Variants in OR1J2 observed in about 807,000 individuals in gnomAD.
The protein encoded by OR1J2 is olfactory receptor family 1 subfamily J member 2, also known as olfactory receptor 1J2.
For missense variants in OR1J2, 304 were observed against 246.1 expected, an observed-to-expected ratio of 1.24 and a Z score of -1.57; for synonymous variants, 142 against 99.7, an observed-to-expected ratio of 1.42 and a Z score of -2.52.
the OR1J2 span, chr9:122,477,816 G>T: frequency 9.9e-6 from 16 of 1,613,818 alleles, no homozygotes; most frequent in African/African-American, 2.7e-5. Context: ...CCAGCACCGT[G>T]GTCAGGTACA....
At chr9:122,505,363 T>G in the OR1J2 span, among the ~76,000 whole-genome samples, 1 of 152,158 alleles carries the variant, frequency 6.6e-6, no homozygotes, top group African/African-American at 2.4e-5. Flanking sequence ...AGGTTTCTCT[T>G]TCTCTTCTTA....
the OR1J2 span, among the ~76,000 whole-genome samples, chr9:122,570,549 A>G: frequency 6.6e-6 from 1 of 152,234 alleles, no homozygotes; most frequent in Non-Finnish European, 1.5e-5. Context: ...CCACATTGTC[A>G]TGAGGATTTA....
the OR1J2 span, among the ~76,000 whole-genome samples, chr9:122,529,561 G>A: frequency 4.6e-5 from 7 of 152,244 alleles, no homozygotes; most frequent in Middle Eastern, 3.4e-3. Flanking sequence ...ACCTTCTGTC[G>A]TATTTTTTGG....
chr9:122,563,608 T>G, the OR1J2 span, among the ~76,000 whole-genome samples: 10 of 152,354 alleles, frequency 6.6e-5, no homozygotes, highest in Admixed American at 6.5e-4. Flanking sequence ...CAGATGCAAT[T>G]TAGTTTTATG....
the OR1J2 span, among the ~76,000 whole-genome samples, chr9:122,451,178 T>C: frequency 6.8e-6 from 1 of 147,084 alleles, no homozygotes; most frequent in African/African-American, 2.5e-5. Context: ...ATTATTATTA[T>C]TATTATTATT....
the OR1J2 span, chr9:122,567,579 C>A: frequency 6.2e-7 from 1 of 1,600,860 alleles, no homozygotes; most frequent in South Asian, 1.1e-5. Flanking sequence ...CTTCCTCAGG[C>A]CCTGTTTCAG....
the OR1J2 span, among the ~76,000 whole-genome samples, chr9:122,572,063 C>G: frequency 7.2e-4 from 109 of 152,262 alleles, no homozygotes; most frequent in African/African-American, 2.6e-3. Flanking sequence ...TCTTACATGG[C>G]AGGAGCAGAA....
the OR1J2 span, among the ~76,000 whole-genome samples, chr9:122,556,575 T>C: frequency 6.6e-6 from 1 of 152,090 alleles, no homozygotes; most frequent in Admixed American, 6.6e-5. Flanking sequence ...CATGCGGGGC[T>C]TAAAGCCTAG....
At chr9:122,459,541 A>T in the OR1J2 span, among the ~76,000 whole-genome samples, 1 of 152,124 alleles carries the variant, frequency 6.6e-6, no homozygotes, top group Admixed American at 6.6e-5. Context: ...AGCTTAGATG[A>T]ATCTTTCCCT....
the OR1J2 span, chr9:122,553,156 A>G: frequency 6.4e-7 from 1 of 1,572,264 alleles, no homozygotes; most frequent in African/African-American, 1.4e-5. Context: ...GATCTAATAA[A>G]TAAATACTGA....
At chr9:122,448,243 G>T in the OR1J2 span, among the ~76,000 whole-genome samples, 1 of 152,150 alleles carries the variant, frequency 6.6e-6, no homozygotes, top group Non-Finnish European at 1.5e-5. Flanking sequence ...TACTATGCGT[G>T]GATATACACG....
the OR1J2 span, among the ~76,000 whole-genome samples, chr9:122,459,292 A>G: frequency 2.0e-5 from 3 of 152,102 alleles, no homozygotes; most frequent in African/African-American, 7.2e-5. Flanking sequence ...GATTTCTTTT[A>G]TTTTGGATAG....
chr9:122,497,986 T>G, the OR1J2 span, among the ~76,000 whole-genome samples: 1 of 152,160 alleles, frequency 6.6e-6, no homozygotes, highest in Non-Finnish European at 1.5e-5. Context: ...ATTGTGTGGC[T>G]TTGAGAAATC....
chr9:122,503,508 A>G, the OR1J2 span, among the ~76,000 whole-genome samples: 1 of 152,330 alleles, frequency 6.6e-6, no homozygotes, highest in East Asian at 1.9e-4. Flanking sequence ...GATCCATTGT[A>G]CACCACATTG....
the OR1J2 span, among the ~76,000 whole-genome samples, chr9:122,497,233 A>G: frequency 6.6e-6 from 1 of 152,262 alleles, no homozygotes; most frequent in African/African-American, 2.4e-5. Context: ...CTTTCCTGGT[A>G]TGTTCTTGTA....
At chr9:122,492,627 A>G in the OR1J2 span, among the ~76,000 whole-genome samples, 9 of 152,072 alleles carry the variant, frequency 5.9e-5, no homozygotes, top group Admixed American at 5.9e-4. Flanking sequence ...CAGTGTATAA[A>G]CATTCCCTTT....
chr9:122,550,889 G>T, the OR1J2 span, among the ~76,000 whole-genome samples: 1 of 151,420 alleles, frequency 6.6e-6, no homozygotes, highest in African/African-American at 2.4e-5. Flanking sequence ...GATACTGGAA[G>T]TCTTAACTGG....
At chr9:122,571,241 A>G in the OR1J2 span, among the ~76,000 whole-genome samples, 1 of 152,130 alleles carries the variant, frequency 6.6e-6, no homozygotes, top group Non-Finnish European at 1.5e-5. Context: ...GGGACTGGTC[A>G]CAATCAGGTG....
the OR1J2 span, among the ~76,000 whole-genome samples, chr9:122,494,136 TGAA>T: frequency 9.9e-5 from 15 of 152,188 alleles, no homozygotes; most frequent in Admixed American, 9.8e-4. Flanking sequence ...CATGTGCTGA[TGAA>T]TAGAGTGTAT....
Sources: allele counts gnomAD v4.1 joint callset (sites outside exome capture counted in the v4.1 genomes callset), GRCh38; gene constraint gnomAD v4.1.1; transcripts MANE v1.5; gene names NCBI Gene and HGNC (gene_info 2026-07-23, HGNC 2026-07-21).